EHMT1: variants seen among roughly 807,000 people sequenced by gnomAD.
EHMT1 encodes the protein euchromatic histone lysine methyltransferase 1.
In EHMT1, 15 loss-of-function variants were observed where a neutral mutation model predicts 147.2. The ratio of observed to expected loss-of-function variants is 0.10; its 90% CI spans 0.07 to 0.16. The LOEUF is 0.16. Among genes scored for constraint, EHMT1 ranks in the 10% least tolerant of loss-of-function variants. The probability of loss-of-function intolerance (pLI) is 1.00; values close to 1 mark genes in which losing one functional copy is unlikely to be tolerated. For missense variants in EHMT1, 1,587 were observed against 1,772.4 expected (o/e 0.90, Z 1.88); for synonymous variants, 795 against 709.6 (o/e 1.12, Z -1.91).
chr9:137,708,065 AAAT>A (rs1221343432), intron 1 of EHMT1, among the ~76,000 whole-genome samples: 1 of 152,266 alleles, frequency 6.6e-6, no homozygotes, highest in South Asian at 2.1e-4. Flanking sequence ...CATTTTTAAA[AAAT>A]AATAAAAGTA....
chr9:137,777,384 G>C (rs768363491), intron 12 of EHMT1: 8 of 193,106 alleles, frequency 4.1e-5, no homozygotes, highest in Admixed American at 1.1e-4. Flanking sequence ...CTTAGCAGCA[G>C]TTCCCTGCCT....
chr9:137,647,594 CTT>C (rs1365222941), intron 1 of EHMT1, among the ~76,000 whole-genome samples: 6 of 129,582 alleles, frequency 4.6e-5, no homozygotes, highest in Admixed American at 7.7e-5. Flanking sequence ...CTGCTCTTGC[CTT>C]TTTTTTTTTT....
At chr9:137,646,126 CT>C (rs1159575656) in intron 1 of EHMT1, among the ~76,000 whole-genome samples, 1 of 151,974 alleles carries the variant, frequency 6.6e-6, no homozygotes, top group Non-Finnish European at 1.5e-5. Flanking sequence ...ACCCAGCTAA[CT>C]TTTTGTATTT....
At position 137,821,286 on chromosome 9, in the gene EHMT1, T is replaced by C. The variant is rs1256790353; in HGVS notation, c.3540+3148T>C. Among the ~76,000 whole-genome samples the C allele has an allele frequency of 2.7e-5, 4 of 145,770 alleles. No individual in the cohort carries two copies. In the East Asian group the frequency reaches 6.3e-4, roughly 23 times the overall value. ...CACCTGCCTCGGCCTCCCAAAGTGC[T>C]GGGATTACAGGCATGAGCCACTGCG... On this transcript the variant is annotated intron_variant, in intron 25 of 26. Coordinates refer to ENST00000460843, the MANE Select transcript of EHMT1 (RefSeq NM_024757.5).
Position 137,813,216 on chromosome 9 carries a change from A to G in EHMT1, c.3035+43A>G. Reference sequence around the variant, plus strand: ...ACGGCTTTGTGGCAAATCAGCGGTCAGCAGGGCTTTGGGAACTTGCGGTGA... The same window carrying G: ...ACGGCTTTGTGGCAAATCAGCGGTCGGCAGGGCTTTGGGAACTTGCGGTGA... On this transcript the variant is annotated intron_variant, in intron 20 of 26. Transcript: ENST00000460843. This position sits in a 1 kb window ranked among gnomAD's most constrained non-coding sequence, Gnocchi z 4.9. The G allele has an allele frequency of 6.3e-7, 1 of 1,599,506 alleles. No homozygotes were observed. The highest frequency in any genetic ancestry group is 8.5e-7 in the Non-Finnish European group (1 of 1,178,198).
At chr9:137,689,868 G>C (rs888786511) in intron 1 of EHMT1, among the ~76,000 whole-genome samples, 1 of 152,240 alleles carries the variant, frequency 6.6e-6, no homozygotes, top group African/African-American at 2.4e-5. Flanking sequence ...GTGGGGGCCA[G>C]CTCCTGGGCA....
intron 4 of EHMT1, among the ~76,000 whole-genome samples, chr9:137,740,068 C>T (rs1947915870): frequency 6.6e-6 from 1 of 152,176 alleles, no homozygotes; most frequent in Non-Finnish European, 1.5e-5. Context: ...TCACTTCCAA[C>T]CTCCCATCCA....
At chr9:137,643,174 G>A (rs1367774888) in intron 1 of EHMT1, among the ~76,000 whole-genome samples, 2 of 151,946 alleles carry the variant, frequency 1.3e-5, no homozygotes, top group Non-Finnish European at 1.5e-5. Flanking sequence ...ATGAGCCACC[G>A]TGCCTGGCCT....
chr9:137,773,069 G>A lies in EHMT1; in HGVS notation c.1648-2040G>A, dbSNP rs542185524. ...ATTGTAAAAATAATGCATGCCGATT[G>A]TAAAATAATCCAGATACTACATACA... On this transcript the variant is annotated intron_variant, in intron 10 of 26. Coordinates refer to ENST00000460843, the MANE Select transcript of EHMT1 (RefSeq NM_024757.5). Among the ~76,000 whole-genome samples, 13 of 152,282 alleles carry A rather than the reference G, an allele frequency of 8.5e-5. No individual in the cohort carries two copies. In the East Asian group the frequency reaches 2.3e-3, roughly 27 times the overall value.
At chr9:137,678,815 G>A (rs1171179285) in intron 1 of EHMT1, among the ~76,000 whole-genome samples, 1 of 151,736 alleles carries the variant, frequency 6.6e-6, no homozygotes, top group Non-Finnish European at 1.5e-5. Flanking sequence ...TGGCAGATGG[G>A]CATTGGTTAC....
intron 22 of EHMT1, chr9:137,814,815 T>G (rs1467635043): frequency 7.3e-6 from 4 of 545,768 alleles, no homozygotes; most frequent in Non-Finnish European, 1.3e-5. Flanking sequence ...GCTTATGTTG[T>G]GTGTATCTGG....
chr9:137,729,115 A>G (rs1159088183), intron 4 of EHMT1, among the ~76,000 whole-genome samples: 2 of 151,994 alleles, frequency 1.3e-5, no homozygotes, highest in Non-Finnish European at 2.9e-5. Flanking sequence ...AAACCTCCTC[A>G]GCTTCTGGGA....
At position 137,676,433 on chromosome 9, in the gene EHMT1, T is replaced by G. The variant is rs1941326574; in HGVS notation, c.22-34534T>G. Reference sequence around the variant, plus strand: ...CAGGCTGGAGTGCAGTGGCGCGATCTCTGCTCGCTGCAACCTCCGCCTCCC... The same window carrying G: ...CAGGCTGGAGTGCAGTGGCGCGATCGCTGCTCGCTGCAACCTCCGCCTCCC... On this transcript the variant is annotated intron_variant, in intron 1 of 26. Transcript: ENST00000460843. 2.0e-5 allele frequency: 3 copies of G among 152,704 alleles called. No homozygotes were observed. In the South Asian group the frequency reaches 6.2e-4, roughly 32 times the overall value. The allele number at this position is 152,704 out of a possible 1,614,324, so 9.5% of individuals were successfully genotyped here.
chr9:137,799,744 C>G (rs1222005483), intron 17 of EHMT1, among the ~76,000 whole-genome samples: 1 of 152,252 alleles, frequency 6.6e-6, no homozygotes, highest in Non-Finnish European at 1.5e-5. Flanking sequence ...AGCTTCTGTG[C>G]CCTCTTGGCT....
At position 137,803,838 on chromosome 9, in the gene EHMT1, A is replaced by T. The variant is rs80127152; in HGVS notation, c.2712+2854A>T. Among the ~76,000 whole-genome samples, 207 of 130,824 alleles carry T rather than the reference A, an allele frequency of 1.6e-3. 4 individuals are homozygous for T. The East Asian group carries it at 0.019, about 12-fold the overall frequency. The allele number at this position is 130,824 out of a possible 152,430, so 85.8% of individuals were successfully genotyped here. ...TGCACCCCAGCCTGTCTCAAAAATT[A>T]AAAAAAAAAAAAAAAACCTGCCAAA... On this transcript the variant is annotated intron_variant, in intron 18 of 26. Transcript: ENST00000460843.
At chr9:137,725,320 T>TGG (rs1946521560) in intron 3 of EHMT1, among the ~76,000 whole-genome samples, 1 of 152,156 alleles carries the variant, frequency 6.6e-6, no homozygotes, top group Admixed American at 6.5e-5. Context: ...GTGGCCTTCG[T>TGG]GGGGCTTTCA....
At chr9:137,743,090 C>T (rs867520102) in intron 4 of EHMT1, 11 of 419,480 alleles carry the variant, frequency 2.6e-5, no homozygotes, top group African/African-American at 1.2e-4. Context: ...TGTGGCTTTC[C>T]TGCCTCCAAG....
rs537529217 is a variant in EHMT1, at chr9:137,724,270, C to T, written c.643-4079C>T. Among the ~76,000 whole-genome samples the T allele has an allele frequency of 6.1e-4, 93 of 152,254 alleles. 1 individual carries two copies. Among genetic ancestry groups the T allele is most frequent in the African/African-American group, 2.1e-3 (86 of 41,554 alleles). ...TGACTCACCCTGGTGCACAGCCCAC[C>T]GCCCCACCCCCGCCCTGCCAGGAGG... On this transcript the variant is annotated intron_variant, in intron 3 of 26. Coordinates refer to ENST00000460843, the MANE Select transcript of EHMT1 (RefSeq NM_024757.5).
intron 18 of EHMT1, among the ~76,000 whole-genome samples, 169 bp from the exon 19 acceptor site, chr9:137,811,292 G>A (rs1197217076): frequency 6.6e-6 from 1 of 152,158 alleles, no homozygotes; most frequent in Non-Finnish European, 1.5e-5. Context: ...ATGGGCGCTA[G>A]GTTCCCATCC....
Sources: allele counts gnomAD v4.1 joint callset (sites outside exome capture counted in the v4.1 genomes callset), GRCh38; gene constraint gnomAD v4.1.1; non-coding constraint Gnocchi (gnomAD v3.1); transcripts MANE v1.5; gene names NCBI Gene and HGNC (gene_info 2026-07-23, HGNC 2026-07-21).